The following CORO2A variants were observed in gnomAD, a reference collection of about 807,000 sequenced individuals.
CORO2A encodes coronin-2A.
A neutral mutation model predicts 62.4 loss-of-function variants in CORO2A; 47 were observed. That is an observed-to-expected ratio of 0.75 (90% confidence interval 0.60 to 0.96). The LOEUF (loss-of-function observed/expected upper bound fraction) is 0.96. Among genes scored for constraint, CORO2A ranks in the 40% least tolerant of loss-of-function variants. The pLI is 0.00. For synonymous variants in CORO2A, 273 were observed against 268.9 expected (o/e 1.02, Z -0.15); for missense variants, 610 against 684.1 (o/e 0.89, Z 1.21).
At chr9:98,173,498 C>A (rs950286013) in intron 1 of CORO2A, among the ~76,000 whole-genome samples, 1 of 152,182 alleles carries the variant, frequency 6.6e-6, no homozygotes, top group Non-Finnish European at 1.5e-5. Context: ...CAACCACCCC[C>A]CAACTCGGTG....
intron 2 of CORO2A, among the ~76,000 whole-genome samples, chr9:98,151,992 T>A (rs1827732255): frequency 6.6e-6 from 1 of 151,854 alleles, no homozygotes; most frequent in African/African-American, 2.4e-5. Context: ...AATTTTTGTA[T>A]TTTTAGTAGA....
At chr9:98,163,314 A>C (rs1308647484) in intron 1 of CORO2A, among the ~76,000 whole-genome samples, 1 of 152,034 alleles carries the variant, frequency 6.6e-6, no homozygotes, top group Non-Finnish European at 1.5e-5. Flanking sequence ...CTCAGCCTCC[A>C]GAGTAGCTGG....
chr9:98,143,272 C>A (rs1181029443), intron 2 of CORO2A, among the ~76,000 whole-genome samples: 1 of 152,228 alleles, frequency 6.6e-6, no homozygotes, highest in Non-Finnish European at 1.5e-5. Context: ...TGGGGACTCT[C>A]TACGGCTGAC....
chr9:98,143,451 C>T (rs1266157646), intron 2 of CORO2A, among the ~76,000 whole-genome samples: 1 of 152,188 alleles, frequency 6.6e-6, no homozygotes, highest in African/African-American at 2.4e-5. Flanking sequence ...AGGGAGGACA[C>T]ACAGTGTAGC....
rs1224748259 is a variant in CORO2A, at chr9:98,132,219, C to T, written c.731G>A (p.Arg244Gln). The T allele has an allele frequency of 7.4e-6, 12 of 1,614,048 alleles. No individual in the cohort carries two copies. The highest frequency in any genetic ancestry group is 2.2e-5 in the East Asian group (1 of 44,894). Reference sequence around the variant, plus strand: ...CAAGGCCACCTGCCGGTTGTTCCATCGGGATGTGCCTGTGGACATCAGCTT... The same window carrying T: ...CAAGGCCACCTGCCGGTTGTTCCATTGGGATGTGCCTGTGGACATCAGCTT... ...LKKLMSTGTS[R>Q]WNNRQVALWD... The change falls in exon 6 of 12, where the codon CGA (arginine) becomes CAA (glutamine). Residue 244 changes from arginine (R) to glutamine (Q), a missense_variant. Arg to Gln is a conservative substitution (Grantham distance 43). Coordinates refer to ENST00000375077, the MANE Select transcript of CORO2A (RefSeq NM_052820.4).
chr9:98,180,695 G>A lies in CORO2A; in HGVS notation c.-1+11864C>T, dbSNP rs78514102. On this transcript the variant is annotated intron_variant, in intron 1 of 11. Transcript: ENST00000375077. ...ACTAATTCAAGCACCCCTCCTGACC[G>A]CACCCTCCCCACCTCCAGCCTCCTG... Among the ~76,000 whole-genome samples the A allele has an allele frequency of 1.1e-3, 166 of 152,012 alleles. 2 individuals carry two copies. The East Asian group carries it at 0.031, about 28-fold the overall frequency.
At position 98,137,623 on chromosome 9, in the gene CORO2A, C is replaced by T; in HGVS notation, c.267G>A (p.Lys89=). The change falls in exon 3 of 12, where the codon AAG becomes AAA. Residue 89 remains lysine, a synonymous_variant. Transcript: ENST00000375077. ...TCTCAAAATCATCAAAAGGGTTCCA[C>T]TTGACATCCAAAACGTTGCCTCTGT... The part of the protein sequence containing the change: ...CGHRGNVLDV[K]WNPFDDFEIA... 1 of 1,614,260 alleles carries T rather than the reference C, an allele frequency of 6.2e-7. No individual in the cohort carries two copies. Among genetic ancestry groups the T allele is most frequent in the Non-Finnish European group, 8.5e-7 (1 of 1,180,054 alleles).
At chr9:98,174,534 C>T (rs1828082969) in intron 1 of CORO2A, among the ~76,000 whole-genome samples, 1 of 152,186 alleles carries the variant, frequency 6.6e-6, no homozygotes, top group African/African-American at 2.4e-5. Context: ...TCTGTGTCCC[C>T]ACCCAAATCT....
chr9:98,155,900 G>A (rs1384349214), intron 2 of CORO2A, among the ~76,000 whole-genome samples: 1 of 152,052 alleles, frequency 6.6e-6, no homozygotes, highest in East Asian at 1.9e-4. Flanking sequence ...AGTCTCTGCA[G>A]GGGCTTGTCT....
chr9:98,153,705 C>CACACACACACACACACACA (rs1827761723), intron 2 of CORO2A, among the ~76,000 whole-genome samples: 1 of 151,544 alleles, frequency 6.6e-6, no homozygotes, highest in Non-Finnish European at 1.5e-5. Context: ...CACACACACA[C>CACACACACACACACACACA]CCCGAGAGGC....
intron 1 of CORO2A, among the ~76,000 whole-genome samples, chr9:98,160,362 G>A (rs1271784816): frequency 6.6e-6 from 1 of 152,224 alleles, no homozygotes; most frequent in Non-Finnish European, 1.5e-5. Context: ...AGCTAGGTGT[G>A]CGGCCAGGTC....
chr9:98,126,771 T>C lies in CORO2A; in HGVS notation c.1224A>G (p.Pro408=). ...TGAAGATAGGTCTCTCTGCAGGCAG[T>C]GGGTGGGGTCTCAGCAGCTCAGAGC... The part of the protein sequence containing the change: ...RPGSELLRPH[P]LPAERPIFNS... The change falls in exon 11 of 12, where the codon CCA becomes CCG. Residue 408 remains proline, a synonymous_variant. Coordinates refer to ENST00000375077, the MANE Select transcript of CORO2A (RefSeq NM_052820.4). The C allele has an allele frequency of 6.2e-7, 1 of 1,614,122 alleles. No homozygotes were observed. The highest frequency in any genetic ancestry group is 8.5e-7 in the Non-Finnish European group (1 of 1,180,018).
At chr9:98,132,018 C>G (rs2231663) in intron 6 of CORO2A, among the ~76,000 whole-genome samples, 167 bp downstream of exon 6, 1,586 of 152,302 alleles carry the variant, frequency 0.01, 20 homozygotes, top group African/African-American at 0.036. Context: ...CTGGGCTCGC[C>G]CGGGGCTGTC....
chr9:98,148,812 A>C lies in CORO2A; in HGVS notation c.201+8648T>G, dbSNP rs867136533. Among the ~76,000 whole-genome samples, 28 of 152,226 alleles carry C rather than the reference A, an allele frequency of 1.8e-4. 1 individual carries two copies. In the South Asian group the frequency reaches 5.8e-3, roughly 32 times the overall value. On this transcript the variant is annotated intron_variant, in intron 2 of 11. Coordinates refer to ENST00000375077, the MANE Select transcript of CORO2A (RefSeq NM_052820.4). The stretch of plus-strand genomic sequence containing the variant: ...CAAAACACACACACACAAAACACAA[A>C]AAAAAATGATCAATACTCAATATAT...
chr9:98,191,739 G>A (rs934300549), intron 1 of CORO2A, among the ~76,000 whole-genome samples: 3 of 152,176 alleles, frequency 2.0e-5, no homozygotes, highest in Non-Finnish European at 2.9e-5. Flanking sequence ...AATGCCACGC[G>A]GACACAGCAC....
chr9:98,151,848 GCT>G (rs2118860393), intron 2 of CORO2A, among the ~76,000 whole-genome samples: 1 of 134,232 alleles, frequency 7.4e-6, no homozygotes, highest in South Asian at 2.3e-4. Context: ...ACGGAGTTTC[GCT>G]CTGTCGCCCA....
At chr9:98,185,753 T>C (rs1432456508) in intron 1 of CORO2A, among the ~76,000 whole-genome samples, 1 of 152,160 alleles carries the variant, frequency 6.6e-6, no homozygotes, top group Non-Finnish European at 1.5e-5. Context: ...ACTTCTTACT[T>C]CATCCTGTGG....
intron 1 of CORO2A, among the ~76,000 whole-genome samples, chr9:98,179,206 T>C (rs1238056479): frequency 6.6e-6 from 1 of 152,196 alleles, no homozygotes; most frequent in Non-Finnish European, 1.5e-5. Flanking sequence ...AACCCTTCCC[T>C]AGGCTCTGGA....
At chr9:98,152,024 C>T (rs1160028828) in intron 2 of CORO2A, among the ~76,000 whole-genome samples, 1 of 151,710 alleles carries the variant, frequency 6.6e-6, no homozygotes, top group African/African-American at 2.4e-5. Flanking sequence ...ACCATGTTGG[C>T]CAGGCTGCTC....
Sources: gnomAD v4.1 joint callset for allele counts (sites outside exome capture counted in the v4.1 genomes callset) on GRCh38, gnomAD v4.1.1 for gene constraint, MANE v1.5 for transcripts, NCBI Gene and HGNC (gene_info 2026-07-23, HGNC 2026-07-21) for gene names.